The following MEGF8 variants were observed in gnomAD, a reference collection of about 807,000 sequenced individuals.
The protein encoded by MEGF8 is multiple epidermal growth factor-like domains protein 8.
MEGF8 carries 156 observed loss-of-function variants against 302.9 expected under a neutral mutation model. The ratio of observed to expected loss-of-function variants is 0.52; its 90% CI spans 0.45 to 0.59. The LOEUF (loss-of-function observed/expected upper bound fraction) is 0.59, where lower values mean the gene tolerates loss of function less well. MEGF8 is among the 20% of genes least tolerant of loss of function. The pLI is 0.00. For synonymous variants in MEGF8, 1,621 were observed against 1,660.5 expected, an observed-to-expected ratio of 0.98 and a Z score of 0.58; for missense variants, 3,345 against 3,964.5, an observed-to-expected ratio of 0.84 and a Z score of 4.20.
At chr19:42,343,805 G>A (rs1160556577) in intron 9 of MEGF8, 149 bp from the exon 10 acceptor site, 2 of 1,363,068 alleles carry the variant, frequency 1.5e-6, no homozygotes, top group Non-Finnish European at 9.8e-7. Context: ...GAGGTCCCTG[G>A]GCCTGGGGGA....
Position 42,351,213 on chromosome 19 carries a change from C to T in MEGF8, c.2737-3C>T. ...CTGACTCCTCTGCCCAACTGACCCC[C>T]AGGACCCCTTCTGTGAGTGGCATCA... On this transcript the variant is annotated splice_polypyrimidine_tract_variant and splice_region_variant and intron_variant, in intron 15 of 41. Transcript: ENST00000251268. This position sits in a 1 kb window ranked among gnomAD's most constrained non-coding sequence, Gnocchi z 5.6. 6.4e-7 allele frequency: 1 copy of T among 1,556,872 alleles called. No individual in the cohort carries two copies. The highest frequency in any genetic ancestry group is 1.4e-5 in the African/African-American group (1 of 73,458).
intron 8 of MEGF8, among the ~76,000 whole-genome samples, chr19:42,341,311 C>G (rs964802588): frequency 1.3e-5 from 2 of 151,362 alleles, no homozygotes; most frequent in African/African-American, 4.9e-5. Flanking sequence ...TGCCTGTGGT[C>G]ACAGCTACTC....
chr19:42,352,534 G>T lies in MEGF8; in HGVS notation c.3350+78G>T. On this transcript the variant is annotated intron_variant, in intron 19 of 41. Transcript: ENST00000251268. The surrounding 1 kb of genome is among the most constrained non-coding windows in gnomAD (Gnocchi z 4.4). ...GAGGTGGAGGGAGGAAGCCATCATG[G>T]CGCTGGGTCCCCTCCTGTGGAACCA... The T allele has an allele frequency of 6.7e-7, 1 of 1,482,486 alleles. No individual in the cohort carries two copies. The highest frequency in any genetic ancestry group is 9.0e-7 in the Non-Finnish European group (1 of 1,106,142). The allele number at this position is 1,482,486 out of a possible 1,614,324, so 91.8% of individuals were successfully genotyped here. A position where few individuals can be genotyped will look rare whatever the true frequency, so the allele number is the denominator to read the frequency against.
Position 42,343,559 on chromosome 19 carries a change from C to T in MEGF8, c.1596C>T (p.Tyr532=), listed in dbSNP as rs765385983. The stretch of plus-strand genomic sequence containing the variant: ...GCGTCCTGTTGGTGGCTGGGGGGTA[C>T]AGCGGCCGGCCCCGTGGGGACTTGA... The part of the protein sequence containing the change: ...GGSVLLVAGG[Y]SGRPRGDLMA... The change falls in exon 9 of 42, where the codon TAC becomes TAT. Residue 532 remains tyrosine, a synonymous_variant. Coordinates refer to ENST00000251268, the MANE Select transcript of MEGF8 (RefSeq NM_001271938.2). 12 of 1,613,368 alleles carry T rather than the reference C, an allele frequency of 7.4e-6. No homozygotes were observed. Among genetic ancestry groups the T allele is most frequent in the African/African-American group, 2.7e-5 (2 of 74,994 alleles).
intron 12 of MEGF8, among the ~76,000 whole-genome samples, chr19:42,348,052 A>G (rs2039315384): frequency 6.6e-6 from 1 of 152,206 alleles, no homozygotes; most frequent in Non-Finnish European, 1.5e-5. Flanking sequence ...GGCCAGGGGT[A>G]AAGGTGGGCT....
At chr19:42,362,240 G>C in intron 33 of MEGF8, 27 bp downstream of exon 33, 1 of 1,609,830 alleles carries the variant, frequency 6.2e-7, no homozygotes, top group Non-Finnish European at 8.5e-7. Flanking sequence ...GCAGGGATGA[G>C]AAGCAGCAGG....
rs546120448 is a variant in MEGF8 at position 42,353,899 on chromosome 19, G to A, written c.3886G>A (p.Gly1296Arg). 17 of 1,593,644 alleles carry A rather than the reference G, an allele frequency of 1.1e-5. No individual in the cohort carries two copies. The highest frequency in any genetic ancestry group is 4.0e-5 in the African/African-American group (3 of 74,692). Residue 1296 changes from glycine to arginine, a missense_variant, in exon 22 of 42, where the codon GGG becomes AGG. Gly to Arg is a moderately radical substitution (Grantham distance 125). Coordinates refer to ENST00000251268, the MANE Select transcript of MEGF8 (RefSeq NM_001271938.2). The surrounding 1 kb of genome is among the most constrained non-coding windows in gnomAD (Gnocchi z 6.1). ...LPPGGGAARA[G>R]PGLSYCVWVV... The stretch of plus-strand genomic sequence containing the variant: ...TCCAGGTGGCGGGGCTGCAAGAGCC[G>A]GGCCTGGCCTGTCCTACTGTGTGTG...
intron 1 of MEGF8, among the ~76,000 whole-genome samples, chr19:42,326,859 A>G (rs2038991381): frequency 6.7e-6 from 1 of 150,356 alleles, no homozygotes; most frequent in South Asian, 2.1e-4. Context: ...TGATCCTCCC[A>G]CCTCAGCCTC....
At position 42,354,136 on chromosome 19, in the gene MEGF8, T is replaced by A; in HGVS notation, c.4011+112T>A. The A allele has an allele frequency of 7.4e-7, 1 of 1,356,988 alleles. No homozygotes were observed. The highest frequency in any genetic ancestry group is 9.7e-7 in the Non-Finnish European group (1 of 1,027,380). The allele number at this position is 1,356,988 out of a possible 1,614,324, so 84.1% of individuals were successfully genotyped here. ...TATTGCTGTTTTTTTTTTTTTGTTT[T>A]TTTAATCCTTCAAAACCCAAACTCC... On this transcript the variant is annotated intron_variant, in intron 22 of 41. Transcript: ENST00000251268. This position sits in a 1 kb window ranked among gnomAD's most constrained non-coding sequence, Gnocchi z 4.3.
chr19:42,357,661 C>A lies in MEGF8; in HGVS notation c.5011+77C>A. On this transcript the variant is annotated intron_variant, in intron 28 of 41. Coordinates refer to ENST00000251268, the MANE Select transcript of MEGF8 (RefSeq NM_001271938.2). The surrounding 1 kb of genome is among the most constrained non-coding windows in gnomAD (Gnocchi z 5.2). ...GGGCTTCCTGTGGGCTCTCCATCCA[C>A]TGCTGTGCTCTGTGGCCACCTGTCT... The A allele has an allele frequency of 7.6e-7, 1 of 1,321,610 alleles. No homozygotes were observed. Among genetic ancestry groups the A allele is most frequent in the Non-Finnish European group, 1.0e-6 (1 of 968,272 alleles). 81.9% of individuals were successfully genotyped at this position (1,321,610 alleles called of 1,614,324 possible). A position where few individuals can be genotyped will look rare whatever the true frequency, so the allele number is the denominator to read the frequency against.
chr19:42,344,635 A>C lies in MEGF8; in HGVS notation c.1934-35A>C. 1 of 1,567,010 alleles carries C rather than the reference A, an allele frequency of 6.4e-7. No homozygotes were observed. Among genetic ancestry groups the C allele is most frequent in the Non-Finnish European group, 8.7e-7 (1 of 1,153,268 alleles). On this transcript the variant is annotated intron_variant, in intron 11 of 41. Coordinates refer to ENST00000251268, the MANE Select transcript of MEGF8 (RefSeq NM_001271938.2). This position sits in a 1 kb window ranked among gnomAD's most constrained non-coding sequence, Gnocchi z 4.5. Reference sequence around the variant, plus strand: ...GCAGGAGGGGGCCAGAGCACTCCACACTGACCCACCGGCCCCCACCCCCTG... The same window carrying C: ...GCAGGAGGGGGCCAGAGCACTCCACCCTGACCCACCGGCCCCCACCCCCTG...
intron 8 of MEGF8, among the ~76,000 whole-genome samples, chr19:42,337,420 A>G (rs1203627523): frequency 6.6e-6 from 1 of 152,162 alleles, no homozygotes; most frequent in Admixed American, 6.5e-5. Flanking sequence ...TGTGGGTTCC[A>G]ATCCAGGTTT....
Position 42,344,086 on chromosome 19 carries a change from C to A in MEGF8, c.1788+13C>A. The A allele has an allele frequency of 6.2e-7, 1 of 1,612,292 alleles. No individual in the cohort carries two copies. Among genetic ancestry groups the A allele is most frequent in the Non-Finnish European group, 8.5e-7 (1 of 1,179,370 alleles). ...CCCCTTGGGGGCTGTGAGTGACAGC[C>A]CTAGACCCTCTGTTCCCTAGCATAG... On this transcript the variant is annotated intron_variant, in intron 10 of 41. Coordinates refer to ENST00000251268, the MANE Select transcript of MEGF8 (RefSeq NM_001271938.2). The surrounding 1 kb of genome is among the most constrained non-coding windows in gnomAD (Gnocchi z 4.5).
Position 42,360,787 on chromosome 19 carries a change from T to C in MEGF8, c.5501T>C (p.Val1834Ala), listed in dbSNP as rs1489840022. The C allele has an allele frequency of 1.9e-6, 3 of 1,590,478 alleles. No homozygotes were observed. Among genetic ancestry groups the C allele is most frequent in the African/African-American group, 1.3e-5 (1 of 74,478 alleles). ...CATCTTTCCTCAGGCTCGGCCTCTG[T>C]GGGGCCCCCAATGGAGGAGTCTGTG... ...LLPDLTRSAS[V>A]GPPMEESVAH... Residue 1834 changes from valine (V) to alanine (A), a missense_variant, in exon 32 of 42, where the codon GTG becomes GCG. Transcript: ENST00000251268.
chr19:42,328,141 G>A (rs1251440398), intron 1 of MEGF8, among the ~76,000 whole-genome samples: 1 of 152,212 alleles, frequency 6.6e-6, no homozygotes, highest in Non-Finnish European at 1.5e-5. Context: ...GAGGCTGCAG[G>A]GTGGGAGGAG....
chr19:42,371,545 A>C, intron 41 of MEGF8, 63 bp downstream of exon 41: 2 of 1,603,652 alleles, frequency 1.2e-6, no homozygotes, highest in Non-Finnish European at 8.5e-7. Flanking sequence ...CAGGGCTGGG[A>C]TGAGGTAGCC....
Position 42,370,808 on chromosome 19 carries a change from C to A in MEGF8, c.7113C>A (p.Phe2371Leu). 1 of 1,219,438 alleles carries A rather than the reference C, an allele frequency of 8.2e-7. No homozygotes were observed. Among genetic ancestry groups the A allele is most frequent in the Non-Finnish European group, 1.2e-6 (1 of 862,472 alleles). 75.5% of individuals were successfully genotyped at this position (1,219,438 alleles called of 1,614,324 possible). Residue 2371 changes from phenylalanine to leucine, a missense_variant, in exon 40 of 42, where the codon TTC becomes TTA. Phe to Leu is a conservative substitution (Grantham distance 22). Transcript: ENST00000251268. ...GCGAGAGCTGCCTGCAGGGCTACTT[C>A]CTCCTGGACGGGAAGTGCACCAAGT... ...EKCESCLQGY[F>L]LLDGKCTKCQ...
At chr19:42,367,698 A>C (rs1170664946) in intron 35 of MEGF8, among the ~76,000 whole-genome samples, 1 of 152,122 alleles carries the variant, frequency 6.6e-6, no homozygotes, top group African/African-American at 2.4e-5. Context: ...CCCTCCACCA[A>C]TGCAGTAGTA....
Position 42,336,041 on chromosome 19 carries a change from G to A in MEGF8, c.939G>A (p.Leu313=), listed in dbSNP as rs879941904. 1 of 1,575,502 alleles carries A rather than the reference G, an allele frequency of 6.3e-7. No individual in the cohort carries two copies. Among genetic ancestry groups the A allele is most frequent in the Non-Finnish European group, 8.6e-7 (1 of 1,164,514 alleles). The part of the protein sequence containing the change: ...LTNDVWAFSP[L]GRGHWELLAP... ...ACGACGTGTGGGCCTTCAGTCCACT[G>A]GGCAGGGGCCACTGGGAGCTCCTGG... Residue 313 remains leucine (L), a synonymous_variant, in exon 6 of 42, where the codon CTG becomes CTA. Coordinates refer to ENST00000251268, the MANE Select transcript of MEGF8 (RefSeq NM_001271938.2). The surrounding 1 kb of genome is among the most constrained non-coding windows in gnomAD (Gnocchi z 4.8).
Sources: gnomAD v4.1 joint callset for allele counts (sites outside exome capture counted in the v4.1 genomes callset) on GRCh38, gnomAD v4.1.1 for gene constraint, Gnocchi (gnomAD v3.1) non-coding constraint, MANE v1.5 for transcripts, NCBI Gene and HGNC (gene_info 2026-07-23, HGNC 2026-07-21) for gene names.